OTUD5: variants seen among roughly 807,000 people sequenced by gnomAD.
OTUD5 encodes OTU domain-containing protein 5.
In OTUD5, 2 loss-of-function variants were observed where a neutral mutation model predicts 36.3. The ratio of observed to expected loss-of-function variants is 0.06; its 90% CI spans 0.02 to 0.17. The LOEUF (loss-of-function observed/expected upper bound fraction) is 0.17. OTUD5 is among the 10% of genes least tolerant of loss of function. The pLI, the probability that OTUD5 is intolerant of heterozygous loss-of-function variation, is 1.00. For synonymous variants in OTUD5, 234 were observed against 214.9 expected (o/e 1.09, Z -0.78); for missense variants, 233 against 512.3 (o/e 0.45, Z 5.26).
chrX:48,937,015 C>T (rs2063839320), intron 2 of OTUD5, among the ~76,000 whole-genome samples: 1 of 111,713 alleles, frequency 9.0e-6, no homozygotes, highest in African/African-American at 3.3e-5. Flanking sequence ...AGAAAGGCTA[C>T]TCTGAGATAG....
chrX:48,923,155 T>C lies in OTUD5; in HGVS notation c.*19A>G. 1 of 1,209,974 alleles carries C rather than the reference T, an allele frequency of 8.3e-7. No homozygotes were observed. Among genetic ancestry groups the C allele is most frequent in the Non-Finnish European group, 1.1e-6 (1 of 894,318 alleles). On this transcript the variant is annotated 3_prime_UTR_variant, in exon 9 of 9. Transcript: ENST00000376488. ...GGAGTACTGGGGTTGGGAGATGGTG[T>C]CCAATCCCTGGGTCTCCATCAACTC... is the stretch of plus-strand genomic sequence containing the variant.
intron 1 of OTUD5, among the ~76,000 whole-genome samples, chrX:48,955,174 C>T (rs1886986508): frequency 9.0e-6 from 1 of 111,645 alleles, no homozygotes; most frequent in Non-Finnish European, 1.9e-5. Context: ...AGTTGGGAGT[C>T]TAAGGCCCAA....
At chrX:48,939,219 C>A (rs995464456) in intron 2 of OTUD5, among the ~76,000 whole-genome samples, 1 of 110,603 alleles carries the variant, frequency 9.0e-6, no homozygotes, top group African/African-American at 3.3e-5. Context: ...CACCTTCACC[C>A]CAATCCAGCC....
intron 5 of OTUD5, among the ~76,000 whole-genome samples, chrX:48,929,919 C>T (rs1418637000): frequency 6.4e-5 from 7 of 109,369 alleles, no homozygotes; most frequent in Non-Finnish European, 9.5e-5. Flanking sequence ...CTGGCTAAGA[C>T]GGTGAAACCC....
chrX:48,923,076 CAGA>C lies in OTUD5; in HGVS notation c.*95_*97del. On this transcript the variant is annotated 3_prime_UTR_variant, in exon 9 of 9. Coordinates refer to ENST00000376488, the MANE Select transcript of OTUD5 (RefSeq NM_001136157.2). ...GGAAAAGAGGGGAGAGCAGAAAGAACAGAAGGAGGCAAGAGGGAAGAAGCCAAA... is the reference window on the plus strand; with the variant it reads ...GGAAAAGAGGGGAGAGCAGAAAGAACAGGAGGCAAGAGGGAAGAAGCCAAA... The C allele has an allele frequency of 1.9e-5, 23 of 1,191,166 alleles. No homozygotes were observed. The highest frequency in any genetic ancestry group is 1.8e-4 in the South Asian group (10 of 54,285).
At chrX:48,940,039 G>C (rs782608417) in intron 2 of OTUD5, 2 of 114,253 alleles carry the variant, frequency 1.8e-5, no homozygotes, top group South Asian at 3.6e-4. Context: ...CTACCCTCCT[G>C]GTCCAGTGGG....
At chrX:48,926,636 A>T (rs2063671028) in intron 5 of OTUD5, among the ~76,000 whole-genome samples, 1 of 112,235 alleles carries the variant, frequency 8.9e-6, no homozygotes, top group African/African-American at 3.2e-5. Context: ...TATAGGTGTG[A>T]GCCACTGCAC....
At chrX:48,937,601 T>G (rs1557050222) in intron 2 of OTUD5, among the ~76,000 whole-genome samples, 1 of 112,583 alleles carries the variant, frequency 8.9e-6, no homozygotes, top group Non-Finnish European at 1.9e-5. Flanking sequence ...CTGACCCCTT[T>G]GCCTGGCAGA....
chrX:48,954,938 A>T (rs1331058068), intron 1 of OTUD5, among the ~76,000 whole-genome samples: 5 of 111,805 alleles, frequency 4.5e-5, no homozygotes, highest in African/African-American at 1.6e-4. Context: ...TAAGGGGTTC[A>T]TATGACCCTG....
chrX:48,951,578 A>G (rs782656584), intron 1 of OTUD5, among the ~76,000 whole-genome samples: 6 of 109,117 alleles, frequency 5.5e-5, no homozygotes, highest in South Asian at 3.9e-4. Context: ...TCGCGCCACT[A>G]CACTCCAGCC....
At chrX:48,945,302 A>T (rs1226885632) in intron 1 of OTUD5, among the ~76,000 whole-genome samples, 19 of 78,976 alleles carry the variant, frequency 2.4e-4, no homozygotes, top group African/African-American at 9.7e-4. Flanking sequence ...ATGCAGTCTC[A>T]CTCTTTTGCC....
At chrX:48,944,352 G>T in intron 1 of OTUD5, 69 bp from the exon 2 acceptor site, 1 of 675,225 alleles carries the variant, frequency 1.5e-6, no homozygotes, top group Non-Finnish European at 2.4e-6. Context: ...CCGACCTCAA[G>T]CTCCCGAGAG....
At chrX:48,934,320 A>ATTTT (rs10715761) in intron 5 of OTUD5, 144 bp downstream of exon 5, 8 of 376,902 alleles carry the variant, frequency 2.1e-5, no homozygotes, top group South Asian at 5.6e-5. Flanking sequence ...GTAACTCCCT[A>ATTTT]TTTTTTTTTT....
At chrX:48,953,114 A>T (rs1173266896) in intron 1 of OTUD5, among the ~76,000 whole-genome samples, 2 of 111,895 alleles carry the variant, frequency 1.8e-5, no homozygotes, top group Non-Finnish European at 3.8e-5. Flanking sequence ...TGAGGTCTGG[A>T]GGTGATGAGA....
chrX:48,957,885 CAAAGG>C, upstream of OTUD5: 2 of 684,373 alleles, frequency 2.9e-6, no homozygotes, highest in Non-Finnish European at 3.5e-6. Flanking sequence ...CCTTCTGCTT[CAAAGG>C]AAACAGAACC....
intron 5 of OTUD5, among the ~76,000 whole-genome samples, chrX:48,930,976 A>C (rs1293530320): frequency 3.6e-5 from 4 of 110,922 alleles, no homozygotes; most frequent in African/African-American, 1.3e-4. Flanking sequence ...AAAAAAAAAA[A>C]GACCATATTG....
intron 1 of OTUD5, among the ~76,000 whole-genome samples, chrX:48,949,143 G>C (rs1602422433): frequency 1.8e-5 from 2 of 112,063 alleles, no homozygotes; most frequent in Admixed American, 9.4e-5. Flanking sequence ...CACTTAATGA[G>C]TTCCCTTCCC....
intron 5 of OTUD5, among the ~76,000 whole-genome samples, chrX:48,928,844 A>C (rs1556291159): frequency 9.3e-6 from 1 of 107,136 alleles, no homozygotes. Context: ...AAAAAAAAAA[A>C]CAGTATGAAA....
At chrX:48,955,279 G>A (rs1557054889) in intron 1 of OTUD5, among the ~76,000 whole-genome samples, 1 of 111,438 alleles carries the variant, frequency 9.0e-6, no homozygotes, top group East Asian at 2.8e-4. Context: ...CCTCAGGGCA[G>A]GTTCAGAAAT....
Sources: allele counts gnomAD v4.1 joint callset (sites outside exome capture counted in the v4.1 genomes callset), GRCh38; gene constraint gnomAD v4.1.1; transcripts MANE v1.5; gene names NCBI Gene and HGNC (gene_info 2026-07-23, HGNC 2026-07-21).